Variants in GRIP1 observed in about 807,000 individuals in gnomAD.
GRIP1 encodes glutamate receptor-interacting protein 1.
In GRIP1, 45 loss-of-function variants were observed where a neutral mutation model predicts 129.9. The observed-to-expected ratio is 0.35, with a 90% CI of 0.27 to 0.44. GRIP1 has a LOEUF of 0.44. Ranked by LOEUF, GRIP1 falls within the 20% of genes least tolerant of loss-of-function variation. The probability of loss-of-function intolerance (pLI) is 1.00; values close to 1 mark genes in which losing one functional copy is unlikely to be tolerated. For synonymous variants in GRIP1, 530 were observed against 520.8 expected (o/e 1.02, Z -0.24); for missense variants, 1,196 against 1,396.8 (o/e 0.86, Z 2.29).
At chr12:66,426,576 G>A (rs904432603) in intron 14 of GRIP1, among the ~76,000 whole-genome samples, 2 of 152,066 alleles carry the variant, frequency 1.3e-5, no homozygotes, top group African/African-American at 4.8e-5. Flanking sequence ...CTAATTCTCT[G>A]ATTTCCCCCT....
At chr12:66,639,914 T>C (rs1443966205) in intron 1 of GRIP1, among the ~76,000 whole-genome samples, 1 of 152,138 alleles carries the variant, frequency 6.6e-6, no homozygotes, top group African/African-American at 2.4e-5. Flanking sequence ...GGAAACAGAA[T>C]TAAACAACAT....
intron 1 of GRIP1, among the ~76,000 whole-genome samples, chr12:66,785,337 TACATAC>T (rs1287663553): frequency 1.7e-4 from 15 of 87,582 alleles, no homozygotes; most frequent in South Asian, 4.9e-4. Flanking sequence ...CATACATACA[TACATAC>T]ATATATATAT....
At chr12:66,807,084 T>C (rs2039008286), upstream of GRIP1, among the ~76,000 whole-genome samples, 1 of 152,098 alleles carries the variant, frequency 6.6e-6, no homozygotes, top group South Asian at 2.1e-4. Flanking sequence ...AGCATGAGTA[T>C]ATGGGCCACA....
At chr12:66,694,403 C>T (rs1190511009) in intron 1 of GRIP1, among the ~76,000 whole-genome samples, 1 of 152,078 alleles carries the variant, frequency 6.6e-6, no homozygotes, top group Non-Finnish European at 1.5e-5. Flanking sequence ...TCCACATATC[C>T]TTTACCTCTT....
chr12:66,757,765 C>T (rs1162314065), intron 1 of GRIP1, among the ~76,000 whole-genome samples: 1 of 152,132 alleles, frequency 6.6e-6, no homozygotes, highest in African/African-American at 2.4e-5. Context: ...TTGTTATTGC[C>T]TGTCTTTTGG....
chr12:66,641,108 CA>C (rs1445333146), intron 1 of GRIP1, among the ~76,000 whole-genome samples: 3 of 152,200 alleles, frequency 2.0e-5, no homozygotes, highest in African/African-American at 7.2e-5. Context: ...CTTTATCTGA[CA>C]TGCTGAGGTA....
chr12:66,371,852 C>T lies in GRIP1; in HGVS notation c.2854G>A (p.Ala952Thr). 1 of 1,613,742 alleles carries T rather than the reference C, an allele frequency of 6.2e-7. No individual in the cohort carries two copies. The highest frequency in any genetic ancestry group is 8.5e-7 in the Non-Finnish European group (1 of 1,179,926). The stretch of plus-strand genomic sequence containing the variant: ...GAGCTGCTGCGCTCCTGGAAGCTGG[C>T]CTGTCGCCCCAGCTGACTGCGAGGT... ...PTPRSQLGRQ[A>T]SFQERSSSRP... Residue 952 changes from alanine (A) to threonine (T), a missense_variant, in exon 23 of 25, where the codon GCC becomes ACC. Coordinates refer to ENST00000359742, the MANE Select transcript of GRIP1 (RefSeq NM_001366722.1).
chr12:66,466,990 A>C (rs796862131), intron 7 of GRIP1, among the ~76,000 whole-genome samples: 14 of 152,330 alleles, frequency 9.2e-5, no homozygotes, highest in African/African-American at 3.1e-4. Flanking sequence ...AGTTTGAGAT[A>C]AGATACTTAT....
intron 2 of GRIP1, among the ~76,000 whole-genome samples, chr12:66,543,140 G>T (rs2061837925): frequency 6.6e-6 from 1 of 152,126 alleles, no homozygotes; most frequent in Admixed American, 6.6e-5. Flanking sequence ...CTGATCTAGT[G>T]AGGAGAACAG....
At chr12:66,873,267 A>C (rs1376180076) in intron 1 of GRIP1, among the ~76,000 whole-genome samples, 3 of 152,080 alleles carry the variant, frequency 2.0e-5, no homozygotes, top group African/African-American at 7.2e-5. Flanking sequence ...GAGGGAATTC[A>C]AAAGGAAAGG....
intron 1 of GRIP1, among the ~76,000 whole-genome samples, chr12:66,698,660 C>A (rs150592944): frequency 6.6e-6 from 1 of 152,098 alleles, no homozygotes. Context: ...AATAGTCTGG[C>A]CCCCCACCTC....
At chr12:66,745,352 G>A (rs1302793334) in intron 1 of GRIP1, among the ~76,000 whole-genome samples, 1 of 152,096 alleles carries the variant, frequency 6.6e-6, no homozygotes, top group African/African-American at 2.4e-5. Flanking sequence ...GGTACATAGA[G>A]TAAATAAATT....
At chr12:66,383,299 A>AAACAACAAC (rs59263648) in intron 19 of GRIP1, among the ~76,000 whole-genome samples, 2,437 of 141,378 alleles carry the variant, frequency 0.017, 27 homozygotes, top group East Asian at 0.047. Context: ...TCTGTCTCAA[A>AAACAACAAC]AACAACAACA....
chr12:66,825,406 G>T (rs1332924561), intron 1 of GRIP1, among the ~76,000 whole-genome samples: 1 of 152,128 alleles, frequency 6.6e-6, no homozygotes, highest in Admixed American at 6.6e-5. Flanking sequence ...CGTACAAAGG[G>T]CATTAGCTGC....
chr12:66,968,242 G>A (rs2042024363), intron 1 of GRIP1, among the ~76,000 whole-genome samples: 1 of 152,022 alleles, frequency 6.6e-6, no homozygotes, highest in Non-Finnish European at 1.5e-5. Context: ...AGTCTGCTTT[G>A]TCTAAAATTA....
At chr12:66,715,471 T>TGAGAGAGAGAGAGAGAGAGA (rs71447469) in intron 1 of GRIP1, among the ~76,000 whole-genome samples, 9 of 110,138 alleles carry the variant, frequency 8.2e-5, no homozygotes, top group African/African-American at 3.0e-4. Flanking sequence ...TGTGTGTGTG[T>TGAGAGAGAGAGAGAGAGAGA]GAGAGAGAGA....
chr12:66,725,718 TAC>T (rs1383462156), intron 1 of GRIP1, among the ~76,000 whole-genome samples: 3 of 152,150 alleles, frequency 2.0e-5, no homozygotes, highest in African/African-American at 7.2e-5. Context: ...TGCACTCCAG[TAC>T]ACACATTTAT....
chr12:67,069,226 G>T (rs1022951555), upstream of GRIP1: 4 of 512,690 alleles, frequency 7.8e-6, no homozygotes, highest in African/African-American at 8.4e-5. Flanking sequence ...TGTTCAGCGG[G>T]GCTGGGGCGC....
intron 1 of GRIP1, among the ~76,000 whole-genome samples, chr12:67,021,806 T>A (rs1428256845): frequency 6.6e-6 from 1 of 152,110 alleles, no homozygotes; most frequent in Non-Finnish European, 1.5e-5. Context: ...TATCCCCCCA[T>A]TCCCTTTTCC....
Sources: allele counts gnomAD v4.1 joint callset (sites outside exome capture counted in the v4.1 genomes callset), GRCh38; gene constraint gnomAD v4.1.1; transcripts MANE v1.5; gene names NCBI Gene and HGNC (gene_info 2026-07-23, HGNC 2026-07-21).